CD3E: variants seen among roughly 807,000 people sequenced by gnomAD.
The protein encoded by CD3E is T-cell surface glycoprotein CD3 epsilon chain.
CD3E carries 16 observed loss-of-function variants against 34.7 expected under a neutral mutation model. The ratio of observed to expected loss-of-function variants is 0.46; its 90% CI spans 0.31 to 0.70. CD3E has a LOEUF of 0.70. Ranked by LOEUF, CD3E falls within the 30% of genes least tolerant of loss-of-function variation. The pLI is 0.05. For synonymous variants in CD3E, 70 were observed against 90.8 expected, an observed-to-expected ratio of 0.77 and a Z score of 1.30; for missense variants, 223 against 253.9, an observed-to-expected ratio of 0.88 and a Z score of 0.83.
Position 118,315,489 on chromosome 11 carries a change from A to G in CD3E, c.571A>G (p.Ile191Val). 1 of 1,612,520 alleles carries G rather than the reference A, an allele frequency of 6.2e-7. No homozygotes were observed. The highest frequency in any genetic ancestry group is 1.1e-5 in the South Asian group (1 of 90,776). The change falls in exon 9 of 9, where the codon ATC (isoleucine) becomes GTC (valine). Residue 191 changes from isoleucine to valine, a missense_variant. Ile to Val is a conservative substitution (Grantham distance 29). Coordinates refer to ENST00000361763, the MANE Select transcript of CD3E (RefSeq NM_000733.4). ...PPVPNPDYEP[I>V]RKGQRDLYSG... ...CCCCTCTCTATTTCACCCCCAGCCCATCCGGAAAGGCCAGCGGGACCTGTA... is the reference window on the plus strand; with the variant it reads ...CCCCTCTCTATTTCACCCCCAGCCCGTCCGGAAAGGCCAGCGGGACCTGTA...
chr11:118,314,395 T>C (rs1338023542), intron 7 of CD3E, 53 bp from the exon 8 acceptor site: 2 of 1,510,588 alleles, frequency 1.3e-6, no homozygotes, highest in Non-Finnish European at 1.8e-6. Flanking sequence ...CAGACAGTGC[T>C]GCAAGATTGG....
chr11:118,313,932 G>C, intron 7 of CD3E, 58 bp downstream of exon 7: 2 of 1,583,002 alleles, frequency 1.3e-6, no homozygotes, highest in Non-Finnish European at 8.6e-7. Context: ...ACCAGCCTGG[G>C]CCAGGGTGGG....
intron 6 of CD3E, chr11:118,313,162 C>T (rs1047761346): frequency 2.4e-5 from 11 of 451,198 alleles, no homozygotes; most frequent in Non-Finnish European, 4.5e-5. Context: ...TCATAGCACA[C>T]CAACATGAGT....
rs1948143701 is a variant in CD3E, at chr11:118,312,850, C to T, written c.336C>T (p.Leu112=). The T allele has an allele frequency of 6.2e-7, 1 of 1,614,080 alleles. No individual in the cohort carries two copies. The highest frequency in any genetic ancestry group is 1.3e-5 in the African/African-American group (1 of 74,926). Residue 112 remains leucine, a synonymous_variant, in exon 6 of 9, where the codon CTC becomes CTT. Transcript: ENST00000361763. ...AACCAGAAGATGCGAACTTTTATCT[C>T]TACCTGAGGGCAAGAGGTAATCCAG... ...GSKPEDANFY[L]YLRARVCENC... is the part of the protein sequence containing the mutation.
At chr11:118,305,552 C>T (rs1052029727) in intron 2 of CD3E, among the ~76,000 whole-genome samples, 2 of 151,814 alleles carry the variant, frequency 1.3e-5, no homozygotes, top group African/African-American at 2.4e-5. Context: ...ATAAATAATA[C>T]CAAAAAAAGT....
At chr11:118,306,407 A>T (rs2134760706) in intron 2 of CD3E, among the ~76,000 whole-genome samples, 2 of 152,134 alleles carry the variant, frequency 1.3e-5, no homozygotes, top group Admixed American at 1.3e-4. Flanking sequence ...AGGTGGAAGG[A>T]TCACTTGAGC....
At chr11:118,306,276 A>C (rs1157772040) in intron 2 of CD3E, among the ~76,000 whole-genome samples, 1 of 152,116 alleles carries the variant, frequency 6.6e-6, no homozygotes, top group Non-Finnish European at 1.5e-5. Context: ...TGGGAAGATC[A>C]CTTGAGCTCA....
At position 118,304,981 on chromosome 11, in the gene CD3E, T is replaced by C; in HGVS notation, c.29T>C (p.Leu10Pro). Residue 10 changes from leucine (L) to proline (P), a missense_variant, in exon 2 of 9, where the codon CTG becomes CCG. Coordinates refer to ENST00000361763, the MANE Select transcript of CD3E (RefSeq NM_000733.4). ...CAGTCGGGCACTCACTGGAGAGTTC[T>C]GGGCCTCTGCCTCTTATCAGGTGAG... MQSGTHWRVLGLCLLSVGVW... is the reference protein window; with the variant it reads MQSGTHWRVPGLCLLSVGVW... 6.2e-7 allele frequency: 1 copy of C among 1,614,028 alleles called. No homozygotes were observed. Among genetic ancestry groups the C allele is most frequent in the Non-Finnish European group, 8.5e-7 (1 of 1,179,870 alleles).
intron 3 of CD3E, 69 bp from the exon 4 acceptor site, chr11:118,308,358 C>G (rs969956053): frequency 8.4e-7 from 1 of 1,194,330 alleles, no homozygotes; most frequent in East Asian, 2.3e-5. Context: ...TCCCAACCCA[C>G]GGGAGCAGGG....
Position 118,312,721 on chromosome 11 carries a change from T to A in CD3E, c.207T>A (p.Asp69Glu). ...WQHNDKNIGG[D>E]EDDKNIGSDE... is the part of the protein sequence containing the mutation. ...ACAATGATAAAAACATAGGCGGTGA[T>A]GAGGATGATAAAAACATAGGCAGTG... is the stretch of plus-strand genomic sequence containing the variant. Residue 69 changes from aspartate to glutamate, a missense_variant, in exon 6 of 9, where the codon GAT becomes GAA. Physicochemically the swap from Asp to Glu is conservative, Grantham distance 45. Coordinates refer to ENST00000361763, the MANE Select transcript of CD3E (RefSeq NM_000733.4). The A allele has an allele frequency of 6.2e-7, 1 of 1,613,992 alleles. No individual in the cohort carries two copies. The highest frequency in any genetic ancestry group is 8.5e-7 in the Non-Finnish European group (1 of 1,179,980).
chr11:118,314,590 C>A, intron 8 of CD3E, 96 bp downstream of exon 8: 1 of 1,082,734 alleles, frequency 9.2e-7, no homozygotes, highest in Non-Finnish European at 1.4e-6. Context: ...TGCCAGATGC[C>A]TCAAAGCCCC....
Position 118,315,768 on chromosome 11 carries a change from T to C in CD3E, c.*226T>C. 1 of 617,432 alleles carries C rather than the reference T, an allele frequency of 1.6e-6. No homozygotes were observed. Among genetic ancestry groups the C allele is most frequent in the Non-Finnish European group, 2.9e-6 (1 of 343,008 alleles). The allele number at this position is 617,432 out of a possible 1,614,324, so 38.2% of individuals were successfully genotyped here. A position where few individuals can be genotyped will look rare whatever the true frequency, so the allele number is the denominator to read the frequency against. ...TCCTCTTCCTTTGAAGCATCATCAGTAGTCACACCCTCACAGCTGGCCTGC... is the reference window on the plus strand; with the variant it reads ...TCCTCTTCCTTTGAAGCATCATCAGCAGTCACACCCTCACAGCTGGCCTGC... On this transcript the variant is annotated 3_prime_UTR_variant, in exon 9 of 9. Transcript: ENST00000361763.
intron 4 of CD3E, among the ~76,000 whole-genome samples, chr11:118,308,992 G>C (rs767845978): frequency 1.7e-4 from 26 of 152,144 alleles, no homozygotes; most frequent in Non-Finnish European, 3.7e-4. Flanking sequence ...GGTGGTCCTT[G>C]AGCTGAATTT....
chr11:118,312,938 T>C, intron 6 of CD3E, 72 bp downstream of exon 6: 1 of 1,586,224 alleles, frequency 6.3e-7, no homozygotes, highest in Non-Finnish European at 8.6e-7. Context: ...TTCTCAGTGA[T>C]TTTCCCTAAC....
At chr11:118,306,528 A>G (rs193281971) in intron 2 of CD3E, among the ~76,000 whole-genome samples, 3 of 148,358 alleles carry the variant, frequency 2.0e-5, no homozygotes, top group African/African-American at 7.7e-5. Flanking sequence ...AATAAATAAA[A>G]GAGACAGTAT....
chr11:118,308,352 A>G, intron 3 of CD3E, 75 bp from the exon 4 acceptor site: 1 of 1,122,534 alleles, frequency 8.9e-7, no homozygotes, highest in African/African-American at 1.5e-5. Context: ...GAAGAGTCCC[A>G]ACCCACGGGA....
At chr11:118,313,666 T>G (rs777818389) in intron 6 of CD3E, 41 bp from the exon 7 acceptor site, 2 of 1,603,948 alleles carry the variant, frequency 1.2e-6, no homozygotes, top group South Asian at 2.2e-5. Flanking sequence ...TGTGTTTTCC[T>G]TGCTTAGTGA....
At chr11:118,314,526 G>A in intron 8 of CD3E, 32 bp downstream of exon 8, 1 of 1,604,200 alleles carries the variant, frequency 6.2e-7, no homozygotes, top group Non-Finnish European at 8.5e-7. Flanking sequence ...CCAGGACGCT[G>A]GAGGGGATGT....
chr11:118,313,010 G>T, intron 6 of CD3E, 144 bp downstream of exon 6: 1 of 889,418 alleles, frequency 1.1e-6, no homozygotes, highest in South Asian at 1.3e-5. Context: ...GGACTCTCTG[G>T]TACCACACGG....
Sources: gnomAD v4.1 joint callset for allele counts (sites outside exome capture counted in the v4.1 genomes callset) on GRCh38, gnomAD v4.1.1 for gene constraint, MANE v1.5 for transcripts, NCBI Gene and HGNC (gene_info 2026-07-23, HGNC 2026-07-21) for gene names.